NEXMIF: variants seen among roughly 807,000 people sequenced by gnomAD.
The protein encoded by NEXMIF is XLMR protein related to neurite extension.
In NEXMIF, 8 loss-of-function variants were observed where a neutral mutation model predicts 62.1. The observed-to-expected ratio is 0.13, with a 90% CI of 0.08 to 0.23. The LOEUF is 0.23. NEXMIF is among the 10% of genes least tolerant of loss of function. The probability of loss-of-function intolerance (pLI) is 1.00; values close to 1 mark genes in which losing one functional copy is unlikely to be tolerated. For missense variants in NEXMIF, 976 were observed against 1,113.3 expected (o/e 0.88, Z 1.75); for synonymous variants, 404 against 416.6 (o/e 0.97, Z 0.37).
chrX:74,905,362 T>C (rs1447641369), intron 1 of NEXMIF, among the ~76,000 whole-genome samples: 1 of 111,772 alleles, frequency 8.9e-6, no homozygotes, highest in Non-Finnish European at 1.9e-5. Flanking sequence ...ACCAAGCTTA[T>C]CTTAGTGCTT....
intron 1 of NEXMIF, among the ~76,000 whole-genome samples, chrX:74,849,114 G>A (rs1429446835): frequency 8.9e-6 from 1 of 112,332 alleles, no homozygotes; most frequent in Admixed American, 9.4e-5. Context: ...GGTACAACTT[G>A]GTCTTCCAGT....
chrX:74,868,520 A>G (rs2080588292), intron 1 of NEXMIF, among the ~76,000 whole-genome samples: 1 of 109,476 alleles, frequency 9.1e-6, no homozygotes, highest in Admixed American at 9.9e-5. Flanking sequence ...GCAAACTAAC[A>G]CAGGAACAGA....
At chrX:74,881,832 ACAGT>A (rs1361391031) in intron 1 of NEXMIF, among the ~76,000 whole-genome samples, 2 of 111,983 alleles carry the variant, frequency 1.8e-5, no homozygotes, top group Non-Finnish European at 3.8e-5. Flanking sequence ...CTTCTAGTAC[ACAGT>A]CAAGGAGGAG....
At chrX:74,815,459 G>A (rs1254228468) in intron 1 of NEXMIF, among the ~76,000 whole-genome samples, 4 of 110,579 alleles carry the variant, frequency 3.6e-5, no homozygotes, top group Admixed American at 2.9e-4. Context: ...GAACTTTCTA[G>A]TTGCTCTCCG....
intron 1 of NEXMIF, among the ~76,000 whole-genome samples, chrX:74,922,492 T>G (rs1471691573): frequency 8.9e-6 from 1 of 112,428 alleles, no homozygotes; most frequent in Non-Finnish European, 1.9e-5. Flanking sequence ...GAGCTGTTAT[T>G]TAGGCAAATA....
chrX:74,773,018 A>T (rs1183651135), intron 1 of NEXMIF, among the ~76,000 whole-genome samples: 1 of 112,020 alleles, frequency 8.9e-6, no homozygotes, highest in Non-Finnish European at 1.9e-5. Flanking sequence ...AACTAAACAC[A>T]TCTGTTAAAA....
intron 1 of NEXMIF, among the ~76,000 whole-genome samples, chrX:74,797,328 T>C (rs2080315350): frequency 8.9e-6 from 1 of 111,912 alleles, no homozygotes; most frequent in Non-Finnish European, 1.9e-5. Context: ...TGGAGTTTAG[T>C]TAATAGTAAT....
At chrX:74,763,013 T>C (rs1486583642) in intron 1 of NEXMIF, among the ~76,000 whole-genome samples, 1 of 112,063 alleles carries the variant, frequency 8.9e-6, no homozygotes, top group East Asian at 2.8e-4. Flanking sequence ...GCCATTGCTT[T>C]TGGTGTTTTA....
chrX:74,829,735 A>G (rs1176325096), intron 1 of NEXMIF, among the ~76,000 whole-genome samples: 2 of 111,925 alleles, frequency 1.8e-5, no homozygotes, highest in Non-Finnish European at 3.8e-5. Context: ...TCTTTTGGAT[A>G]AAAGCCATTT....
At chrX:74,888,248 C>A (rs1158824811) in intron 1 of NEXMIF, among the ~76,000 whole-genome samples, 1 of 107,930 alleles carries the variant, frequency 9.3e-6, no homozygotes, top group African/African-American at 3.4e-5. Flanking sequence ...ATGTAACAAA[C>A]CTTCACGTTG....
intron 1 of NEXMIF, among the ~76,000 whole-genome samples, chrX:74,786,865 GCACACACA>G (rs746463340): frequency 1.8e-5 from 2 of 108,139 alleles, no homozygotes; most frequent in African/African-American, 6.7e-5. Context: ...GTGCGTGTGT[GCACACACA>G]CACACACACC....
chrX:74,878,494 C>A (rs1241826644), intron 1 of NEXMIF, among the ~76,000 whole-genome samples: 1 of 112,774 alleles, frequency 8.9e-6, no homozygotes, highest in East Asian at 2.8e-4. Flanking sequence ...AGGCAGGCCT[C>A]CTTGAGCTGT....
At chrX:74,753,473 A>G (rs143175299) in intron 1 of NEXMIF, among the ~76,000 whole-genome samples, 185 of 112,198 alleles carry the variant, frequency 1.6e-3, no homozygotes, top group Non-Finnish European at 2.7e-3. Flanking sequence ...GTAAGTTATC[A>G]ATAAAAATAA....
intron 1 of NEXMIF, among the ~76,000 whole-genome samples, chrX:74,761,224 G>A (rs1459232651): frequency 9.0e-6 from 1 of 110,954 alleles, no homozygotes; most frequent in Non-Finnish European, 1.9e-5. Flanking sequence ...GGATGATGCT[G>A]GCCTCATAGA....
rs1185514432 is a variant in NEXMIF, at chrX:74,790,192, A to C, written c.-47-44495T>G. The stretch of plus-strand genomic sequence containing the variant: ...GGGATCCAGTTTCAGCTTTCTACAT[A>C]TGGCTAGTCAGTTTTCCCAGCACCA... On this transcript the variant is annotated intron_variant, in intron 1 of 3. Transcript: ENST00000055682. Among the ~76,000 whole-genome samples, 21 of 109,657 alleles carry C rather than the reference A, an allele frequency of 1.9e-4. No individual in the cohort carries two copies. In the South Asian group the frequency reaches 2.4e-3, roughly 12 times the overall value.
chrX:74,919,508 A>G (rs1323754070), intron 1 of NEXMIF, among the ~76,000 whole-genome samples: 2 of 111,731 alleles, frequency 1.8e-5, no homozygotes, highest in Admixed American at 9.5e-5. Context: ...TGAGGGTAAA[A>G]TAAGTATGCT....
intron 1 of NEXMIF, among the ~76,000 whole-genome samples, chrX:74,757,644 A>G (rs1005604289): frequency 9.0e-6 from 1 of 111,690 alleles, no homozygotes; most frequent in African/African-American, 3.3e-5. Context: ...CTTAATTTCA[A>G]ATAATGGGTT....
At chrX:74,841,921 G>A (rs1399886017) in intron 1 of NEXMIF, among the ~76,000 whole-genome samples, 4 of 111,564 alleles carry the variant, frequency 3.6e-5, no homozygotes, top group African/African-American at 1.3e-4. Flanking sequence ...GTTCATCAAG[G>A]ATATTGACCT....
chrX:74,818,170 C>T (rs1447349106), intron 1 of NEXMIF, among the ~76,000 whole-genome samples: 1 of 110,702 alleles, frequency 9.0e-6, no homozygotes, highest in African/African-American at 3.3e-5. Flanking sequence ...ATAGCCAATG[C>T]CATCCTAAGC....
Sources: allele counts gnomAD v4.1 joint callset (sites outside exome capture counted in the v4.1 genomes callset), GRCh38; gene constraint gnomAD v4.1.1; transcripts MANE v1.5; gene names NCBI Gene and HGNC (gene_info 2026-07-23, HGNC 2026-07-21).